WDR59: variants seen among roughly 807,000 people sequenced by gnomAD.
WDR59 encodes WD repeat domain 59.
WDR59 carries 100 observed loss-of-function variants against 131.2 expected under a neutral mutation model. The observed-to-expected ratio is 0.76, with a 90% CI of 0.65 to 0.90. The LOEUF is 0.90. Ranked by LOEUF, WDR59 falls within the 40% of genes least tolerant of loss-of-function variation. The pLI, the probability that WDR59 is intolerant of heterozygous loss-of-function variation, is 0.00. For missense variants in WDR59, 1,203 were observed against 1,262.2 expected (o/e 0.95, Z 0.71); for synonymous variants, 601 against 466.2 (o/e 1.29, Z -3.72).
intron 6 of WDR59, among the ~76,000 whole-genome samples, chr16:74,948,160 A>G (rs1444583526): frequency 6.6e-6 from 1 of 152,220 alleles, no homozygotes; most frequent in Non-Finnish European, 1.5e-5. Context: ...TATGATGACA[A>G]GTGTTGAAGG....
Position 74,956,617 on chromosome 16 carries a change from A to G in WDR59, c.105-7T>C. 1 of 1,613,728 alleles carries G rather than the reference A, an allele frequency of 6.2e-7. No homozygotes were observed. ...GATGTATAAGAATCTGCGGCTAGAG[A>G]CCAACATCAACATTATAATAGTATA... On this transcript the variant is annotated splice_polypyrimidine_tract_variant and splice_region_variant and intron_variant, in intron 2 of 25. Transcript: ENST00000262144.
intron 9 of WDR59, among the ~76,000 whole-genome samples, chr16:74,923,626 T>C (rs1424793447): frequency 6.6e-6 from 1 of 152,100 alleles, no homozygotes; most frequent in African/African-American, 2.4e-5. Flanking sequence ...TACAGGCATA[T>C]GCCACCACAC....
rs769256889 is a variant in WDR59, at chr16:74,886,287, C to G, written c.2529G>C (p.Gln843His). The change falls in exon 24 of 26, where the codon CAG (glutamine) becomes CAC (histidine). Residue 843 changes from glutamine (Q) to histidine (H), a missense_variant. Physicochemically the swap from Gln to His is conservative, Grantham distance 24 (BLOSUM62 0). Transcript: ENST00000262144. ...GTGGTTACCTTTTATTTTTATCATG[C>G]TGGTCGCGTTCTCGCTCACGGGGAT... ...YSDPRERERD[Q>H]HDKNKRLLDP... 34 of 1,610,320 alleles carry G rather than the reference C, an allele frequency of 2.1e-5. No individual in the cohort carries two copies. Among genetic ancestry groups the G allele is most frequent in the Non-Finnish European group, 2.6e-5 (31 of 1,177,618 alleles).
chr16:74,879,197 T>C (rs1964360504), intron 25 of WDR59, among the ~76,000 whole-genome samples: 1 of 152,066 alleles, frequency 6.6e-6, no homozygotes, highest in African/African-American at 2.4e-5. Flanking sequence ...TACAAAAACA[T>C]TTTTTTAAAA....
At chr16:74,927,400 C>G (rs982434240) in intron 8 of WDR59, among the ~76,000 whole-genome samples, 1 of 151,800 alleles carries the variant, frequency 6.6e-6, no homozygotes, top group African/African-American at 2.4e-5. Context: ...CCACCCTGGC[C>G]AACATGGCAA....
intron 8 of WDR59, among the ~76,000 whole-genome samples, chr16:74,927,877 C>T (rs2145033346): frequency 6.7e-6 from 1 of 148,962 alleles, no homozygotes; most frequent in Admixed American, 6.7e-5. Flanking sequence ...TCAAGGATTC[C>T]TTTTTTTCCC....
chr16:74,909,024 C>T (rs749836273), intron 16 of WDR59, 47 bp from the exon 17 acceptor site: 13 of 1,550,978 alleles, frequency 8.4e-6, no homozygotes, highest in South Asian at 2.2e-5. Flanking sequence ...ACAAGCTGGC[C>T]GTGGGAAATC....
intron 3 of WDR59, among the ~76,000 whole-genome samples, chr16:74,955,489 A>C (rs2033243200): frequency 6.6e-6 from 1 of 152,152 alleles, no homozygotes; most frequent in Non-Finnish European, 1.5e-5. Context: ...TCCTTCTAGC[A>C]CTCAGGAAAG....
chr16:74,960,161 T>C (rs1943066), intron 2 of WDR59, among the ~76,000 whole-genome samples: 14,609 of 151,218 alleles, frequency 0.097, 816 homozygotes, highest in Admixed American at 0.14. Flanking sequence ...GAAACCCCGT[T>C]TCTACTAAAA....
intron 2 of WDR59, among the ~76,000 whole-genome samples, chr16:74,958,617 A>AAAAAAAAAAAAC: frequency 1.4e-5 from 2 of 144,228 alleles, no homozygotes; most frequent in South Asian, 4.5e-4. Flanking sequence ...AAAAAAAAAA[A>AAAAAAAAAAAAC]AAACAAGCTA....
intron 3 of WDR59, among the ~76,000 whole-genome samples, chr16:74,954,322 C>A (rs975735305): frequency 2.0e-5 from 3 of 151,790 alleles, no homozygotes; most frequent in African/African-American, 7.3e-5. Context: ...GCAGGAGAAT[C>A]GCTTGAACCC....
At chr16:74,888,867 C>G (rs1461740167) in intron 21 of WDR59, among the ~76,000 whole-genome samples, 2 of 152,202 alleles carry the variant, frequency 1.3e-5, no homozygotes, top group African/African-American at 4.8e-5. Flanking sequence ...TTTAGGTACT[C>G]ATATCCCCTT....
intron 18 of WDR59, among the ~76,000 whole-genome samples, chr16:74,896,437 C>A (rs1458869102): frequency 6.6e-6 from 1 of 152,086 alleles, no homozygotes; most frequent in African/African-American, 2.4e-5. Flanking sequence ...GAGACCAGCC[C>A]GGCCCTGGCC....
At chr16:74,907,895 G>A (rs896825385) in intron 17 of WDR59, among the ~76,000 whole-genome samples, 13 of 152,210 alleles carry the variant, frequency 8.5e-5, no homozygotes, top group African/African-American at 3.1e-4. Flanking sequence ...AGGAACTGAA[G>A]CTGAAGTTTA....
intron 5 of WDR59, 46 bp from the exon 6 acceptor site, chr16:74,948,602 C>A (rs1179235369): frequency 6.8e-7 from 1 of 1,469,316 alleles, no homozygotes; most frequent in Non-Finnish European, 9.5e-7. Context: ...TATATGCCAC[C>A]ACCCACCTGG....
At chr16:74,888,123 A>G (rs757757798) in intron 22 of WDR59, 46 bp downstream of exon 22, 16 of 1,471,304 alleles carry the variant, frequency 1.1e-5, no homozygotes, top group Non-Finnish European at 6.3e-6. Flanking sequence ...GTCTCAAAAA[A>G]AAAAAAAAAA....
At position 74,948,509 on chromosome 16, in the gene WDR59, A is replaced by AT; in HGVS notation, c.445+9dup. On this transcript the variant is annotated intron_variant, in intron 6 of 25. Coordinates refer to ENST00000262144, the MANE Select transcript of WDR59 (RefSeq NM_030581.4). ...GGCGCCAGGGTGAGGTGGGAGAAGC[A>AT]TACACTCACCAACAGCAGACAGTGC... 6.2e-7 allele frequency: 1 copy of AT among 1,612,980 alleles called. No individual in the cohort carries two copies. Among genetic ancestry groups the AT allele is most frequent in the Non-Finnish European group, 8.5e-7 (1 of 1,178,948 alleles).
In WDR59 at chr16:74,943,074, A is replaced by T. The variant is rs1488813588; in HGVS notation, c.446-248T>A. 8.5e-5 allele frequency among the ~76,000 whole-genome samples: 13 copies of T among 152,248 alleles called. No homozygotes were observed. In the East Asian group the frequency reaches 2.5e-3, roughly 29 times the overall value. ...TCTCAGGGGAAAAAATCTACAGGTC[A>T]CTCTGAGCAGAATCAGCAGGAAAAC... On this transcript the variant is annotated intron_variant, in intron 6 of 25. Transcript: ENST00000262144.
intron 25 of WDR59, among the ~76,000 whole-genome samples, chr16:74,882,768 T>C (rs369184995): frequency 3.4e-5 from 4 of 119,256 alleles, no homozygotes; most frequent in East Asian, 5.2e-4. Context: ...CGAGATCGCA[T>C]GATTGCAGTC....
Sources: allele counts gnomAD v4.1 joint callset (sites outside exome capture counted in the v4.1 genomes callset), GRCh38; gene constraint gnomAD v4.1.1; transcripts MANE v1.5; gene names NCBI Gene and HGNC (gene_info 2026-07-23, HGNC 2026-07-21).